MROH9: variants seen among roughly 807,000 people sequenced by gnomAD.
MROH9 encodes the protein maestro heat like repeat family member 9.
Under a neutral mutation model 98.2 loss-of-function variants are expected in MROH9, and 92 were observed. That is an observed-to-expected ratio of 0.94 (90% CI 0.79 to 1.11). The LOEUF (loss-of-function observed/expected upper bound fraction) is 1.11. Ranked by LOEUF, MROH9 falls within the 50% of genes most tolerant of loss-of-function variation. The pLI is 0.00. For missense variants in MROH9, 1,057 were observed against 1,014.8 expected (o/e 1.04, Z -0.57); for synonymous variants, 397 against 368.9 (o/e 1.08, Z -0.87).
Position 170,983,485 on chromosome 1 carries a change from T to C in MROH9, c.680T>C (p.Val227Ala), listed in dbSNP as rs201549824. The stretch of plus-strand genomic sequence containing the variant: ...AGCCTCCAGTTTCCTTCTTCTGATG[T>C]AGAATTTCTACCCAAGGAGTTTCAA... ...SHSLQFPSSD[V>A]EFLPKEFQQD... The change falls in exon 9 of 22, where the codon GTA (valine) becomes GCA (alanine). Residue 227 changes from valine to alanine, a missense_variant. Physicochemically the swap from Val to Ala is moderately conservative, Grantham distance 64. Coordinates refer to ENST00000367759, the MANE Select transcript of MROH9 (RefSeq NM_001163629.2). 2.8e-4 allele frequency: 444 copies of C among 1,613,302 alleles called. No individual in the cohort carries two copies. Among genetic ancestry groups the C allele is most frequent in the Non-Finnish European group, 3.6e-4 (420 of 1,179,614 alleles).
rs765572249 is a variant in MROH9, at chr1:170,965,240, A to G, written c.465A>G (p.Thr155=). The G allele has an allele frequency of 2.5e-6, 4 of 1,607,004 alleles. No homozygotes were observed. The highest frequency in any genetic ancestry group is 3.4e-6 in the Non-Finnish European group (4 of 1,173,972). The change falls in exon 7 of 22, where the codon ACA becomes ACG. Residue 155 remains threonine, a synonymous_variant. Coordinates refer to ENST00000367759, the MANE Select transcript of MROH9 (RefSeq NM_001163629.2). ...IINKVLRFTV[T]KVRKYISVDA... is the part of the protein sequence containing the mutation. Reference sequence around the variant, plus strand: ...ACAAGGTGTTAAGATTTACAGTCACAAAAGTCAGAAAATACGTAAGTCACA... The same window carrying G: ...ACAAGGTGTTAAGATTTACAGTCACGAAAGTCAGAAAATACGTAAGTCACA...
At chr1:171,059,714 A>G (rs1571176622) in intron 20 of MROH9, among the ~76,000 whole-genome samples, 1 of 152,222 alleles carries the variant, frequency 6.6e-6, no homozygotes, top group Non-Finnish European at 1.5e-5. Context: ...AAGAAATGAG[A>G]TCATGTCCTT....
At chr1:170,964,482 T>G (rs769533140) in intron 6 of MROH9, among the ~76,000 whole-genome samples, 3 of 152,114 alleles carry the variant, frequency 2.0e-5, no homozygotes, top group Non-Finnish European at 2.9e-5. Flanking sequence ...TAGTAGACCC[T>G]GACAGATTGC....
At chr1:171,054,201 G>A (rs1653757213) in intron 20 of MROH9, among the ~76,000 whole-genome samples, 1 of 152,068 alleles carries the variant, frequency 6.6e-6, no homozygotes, top group Non-Finnish European at 1.5e-5. Flanking sequence ...GACCAATGAA[G>A]CAGAATAGAG....
chr1:171,028,623 G>C (rs1171009396), intron 20 of MROH9, among the ~76,000 whole-genome samples: 3 of 152,130 alleles, frequency 2.0e-5, no homozygotes, highest in African/African-American at 7.2e-5. Context: ...TGGGCAGTAT[G>C]GCCATTTTCA....
At chr1:171,018,401 A>G (rs1652401063) in intron 17 of MROH9, among the ~76,000 whole-genome samples, 1 of 152,142 alleles carries the variant, frequency 6.6e-6, no homozygotes, top group South Asian at 2.1e-4. Flanking sequence ...TTCAAATGTC[A>G]GCAGCCTCAA....
intron 20 of MROH9, among the ~76,000 whole-genome samples, chr1:171,047,889 G>A (rs1049438184): frequency 9.9e-5 from 15 of 152,170 alleles, no homozygotes; most frequent in Admixed American, 9.8e-4. Flanking sequence ...GTAACACTGT[G>A]GTTCTTGCAG....
chr1:171,013,292 G>A (rs1208127302), intron 15 of MROH9, among the ~76,000 whole-genome samples: 1 of 152,182 alleles, frequency 6.6e-6, no homozygotes, highest in Non-Finnish European at 1.5e-5. Context: ...CGGGAAGTGA[G>A]CAGCATGCGA....
chr1:170,937,758 C>T lies in MROH9; in HGVS notation c.-38+2171C>T, dbSNP rs1346145832. The stretch of plus-strand genomic sequence containing the variant: ...CGGGATGGTCTCGATCTCCTGACCT[C>T]GTGATCCGCCCGCCTCGGCCTCCCA... On this transcript the variant is annotated intron_variant, in intron 1 of 21. Coordinates refer to ENST00000367759, the MANE Select transcript of MROH9 (RefSeq NM_001163629.2). Among the ~76,000 whole-genome samples the T allele has an allele frequency of 3.3e-5, 5 of 152,024 alleles. No individual in the cohort carries two copies. In the East Asian group the frequency reaches 9.7e-4, roughly 30 times the overall value.
At chr1:170,939,367 C>A (rs778709093) in intron 1 of MROH9, among the ~76,000 whole-genome samples, 16 of 152,222 alleles carry the variant, frequency 1.1e-4, no homozygotes, top group Non-Finnish European at 1.8e-4. Flanking sequence ...GTTTTGCCCA[C>A]TGGGAGTATT....
chr1:170,944,554 A>G (rs17562549), intron 1 of MROH9, among the ~76,000 whole-genome samples: 33,411 of 151,390 alleles, frequency 0.22, 3,881 homozygotes, highest in East Asian at 0.39. Context: ...AAGTATCTCA[A>G]AAAGGTTGCA....
chr1:171,005,469 G>C (rs947805271), intron 15 of MROH9, among the ~76,000 whole-genome samples: 2 of 152,058 alleles, frequency 1.3e-5, no homozygotes, highest in African/African-American at 4.8e-5. Context: ...GCATTTTATA[G>C]TTTTCAGTGT....
At chr1:171,055,323 C>T (rs1324067671) in intron 20 of MROH9, among the ~76,000 whole-genome samples, 3 of 151,968 alleles carry the variant, frequency 2.0e-5, no homozygotes, top group African/African-American at 7.2e-5. Context: ...GATGCAAAGG[C>T]ATAAGAATGA....
intron 20 of MROH9, among the ~76,000 whole-genome samples, chr1:171,029,441 C>T (rs1272480880): frequency 6.6e-6 from 1 of 152,112 alleles, no homozygotes; most frequent in South Asian, 2.1e-4. Context: ...AACTCCTGAC[C>T]TCATGATCCA....
At chr1:170,960,271 A>T (rs6658534) in intron 5 of MROH9, among the ~76,000 whole-genome samples, 2 of 152,092 alleles carry the variant, frequency 1.3e-5, no homozygotes, top group Admixed American at 6.6e-5. Context: ...TTATTTTCCA[A>T]CTGGACTTCT....
chr1:170,996,694 T>C (rs781094664), intron 14 of MROH9, 50 bp downstream of exon 14: 15 of 1,571,832 alleles, frequency 9.5e-6, no homozygotes, highest in South Asian at 1.2e-5. Flanking sequence ...TCCTACCTTC[T>C]CCAACTTCCT....
intron 9 of MROH9, among the ~76,000 whole-genome samples, chr1:170,986,175 T>TC (rs896945430): frequency 2.0e-5 from 3 of 152,144 alleles, no homozygotes; most frequent in Non-Finnish European, 2.9e-5. Context: ...AAGAGGAAAG[T>TC]CCATGCCTTT....
At chr1:171,043,261 A>G (rs1368526374) in intron 20 of MROH9, among the ~76,000 whole-genome samples, 4 of 151,910 alleles carry the variant, frequency 2.6e-5, no homozygotes, top group African/African-American at 9.7e-5. Context: ...TGTTCTTGTC[A>G]TCTTTGTCAA....
chr1:171,048,185 C>T (rs896911677), intron 20 of MROH9, among the ~76,000 whole-genome samples: 5 of 152,154 alleles, frequency 3.3e-5, no homozygotes, highest in Non-Finnish European at 7.4e-5. Context: ...GCCTGTGGAG[C>T]TCTACAATTG....
Sources: allele counts gnomAD v4.1 joint callset (sites outside exome capture counted in the v4.1 genomes callset), GRCh38; gene constraint gnomAD v4.1.1; transcripts MANE v1.5; gene names NCBI Gene and HGNC (gene_info 2026-07-23, HGNC 2026-07-21).